CACNA2D3: variants seen among roughly 807,000 people sequenced by gnomAD.
The protein encoded by CACNA2D3 is voltage-dependent calcium channel subunit alpha-2/delta-3.
Under a neutral mutation model 160.6 loss-of-function variants are expected in CACNA2D3, and 60 were observed. That is an observed-to-expected ratio of 0.37 (90% CI 0.30 to 0.46). The LOEUF is 0.46. Ranked by LOEUF, CACNA2D3 falls within the 20% of genes least tolerant of loss-of-function variation. The pLI is 1.00. For missense variants in CACNA2D3, 1,205 were observed against 1,365.0 expected (o/e 0.88, Z 1.85); for synonymous variants, 558 against 492.9 (o/e 1.13, Z -1.75).
At chr3:54,647,213 A>G (rs1699668877) in intron 11 of CACNA2D3, among the ~76,000 whole-genome samples, 1 of 152,150 alleles carries the variant, frequency 6.6e-6, no homozygotes, top group Admixed American at 6.5e-5. Context: ...CTGACCCACA[A>G]AAACTGTGAG....
intron 11 of CACNA2D3, among the ~76,000 whole-genome samples, chr3:54,702,005 G>A (rs1700775254): frequency 6.6e-6 from 1 of 152,046 alleles, no homozygotes; most frequent in Non-Finnish European, 1.5e-5. Flanking sequence ...CAAGCAATGG[G>A]GAAAGGACTC....
Position 54,590,433 on chromosome 3 carries a change from G to A in CACNA2D3, c.963+8556G>A, listed in dbSNP as rs1290572889. On this transcript the variant is annotated intron_variant, in intron 9 of 37. Transcript: ENST00000474759. ...GTTGCCAGGGGTTAGGCATGGGAGT[G>A]GGGAGAGGTCATTGTGATTATAAAA... is the stretch of plus-strand genomic sequence containing the variant. Among the ~76,000 whole-genome samples, 5 of 152,086 alleles carry A rather than the reference G, an allele frequency of 3.3e-5. No homozygotes were observed. In the East Asian group the frequency reaches 9.6e-4, roughly 29 times the overall value.
intron 3 of CACNA2D3, among the ~76,000 whole-genome samples, chr3:54,341,898 A>G (rs941831861): frequency 6.6e-6 from 1 of 152,202 alleles, no homozygotes; most frequent in Non-Finnish European, 1.5e-5. Context: ...TTGAATTAGT[A>G]GAATGATATA....
intron 13 of CACNA2D3, among the ~76,000 whole-genome samples, chr3:54,806,486 C>G (rs1703129952): frequency 6.6e-6 from 1 of 151,904 alleles, no homozygotes; most frequent in African/African-American, 2.4e-5. Flanking sequence ...CCTAGGAATC[C>G]AACTTACAAG....
rs758348920 is a variant in CACNA2D3, at chr3:54,562,961, T to C, written c.676+30T>C. ...GTATACCTGCATTGACAGTTATGAC[T>C]CAGATTAATGATAACTGATAATGTG... On this transcript the variant is annotated intron_variant, in intron 6 of 37. Transcript: ENST00000474759. 2.1e-5 allele frequency: 33 copies of C among 1,602,722 alleles called. No individual in the cohort carries two copies. The Admixed American group carries it at 5.2e-4, about 25-fold the overall frequency.
intron 2 of CACNA2D3, among the ~76,000 whole-genome samples, chr3:54,268,563 C>G (rs538835359): frequency 3.6e-4 from 55 of 152,318 alleles, no homozygotes; most frequent in Admixed American, 3.2e-3. Flanking sequence ...GTGCCCACCA[C>G]CACGCCTGGC....
At chr3:54,642,375 T>C in intron 11 of CACNA2D3, 134 bp downstream of exon 11, 1 of 517,908 alleles carries the variant, frequency 1.9e-6, no homozygotes, top group East Asian at 3.4e-5. Context: ...CCTTGTGTTT[T>C]TTGGTTGACC....
intron 12 of CACNA2D3, among the ~76,000 whole-genome samples, chr3:54,763,467 T>C (rs1326852808): frequency 2.6e-5 from 4 of 151,966 alleles, no homozygotes; most frequent in Non-Finnish European, 5.9e-5. Context: ...GTTATGTTTA[T>C]AAAAATGAAC....
intron 2 of CACNA2D3, among the ~76,000 whole-genome samples, chr3:54,133,286 A>G (rs1699752810): frequency 6.6e-6 from 1 of 152,168 alleles, no homozygotes; most frequent in Non-Finnish European, 1.5e-5. Flanking sequence ...CATCAGTTTT[A>G]GAGATGCAGA....
chr3:54,178,414 T>G (rs1480111682), intron 2 of CACNA2D3, among the ~76,000 whole-genome samples: 1 of 152,126 alleles, frequency 6.6e-6, no homozygotes, highest in Non-Finnish European at 1.5e-5. Context: ...TCTCCCAAGG[T>G]GGACAGGAAG....
intron 35 of CACNA2D3, among the ~76,000 whole-genome samples, chr3:55,052,762 C>T (rs944244423): frequency 6.6e-6 from 1 of 152,168 alleles, no homozygotes; most frequent in Non-Finnish European, 1.5e-5. Flanking sequence ...TGTAGTATTC[C>T]TTGTTCTGAA....
intron 1 of CACNA2D3, 119 bp downstream of exon 1, chr3:54,122,954 C>T: frequency 2.1e-6 from 2 of 948,834 alleles, no homozygotes; most frequent in Non-Finnish European, 2.7e-6. Flanking sequence ...GTCGGCCTCG[C>T]CGCTCGCACC....
At chr3:54,285,233 A>T (rs1368355064) in intron 2 of CACNA2D3, among the ~76,000 whole-genome samples, 1 of 152,140 alleles carries the variant, frequency 6.6e-6, no homozygotes, top group South Asian at 2.1e-4. Flanking sequence ...TCCCACCCTA[A>T]TACTGTGCTT....
intron 5 of CACNA2D3, among the ~76,000 whole-genome samples, chr3:54,536,185 G>T (rs7428907): frequency 0.2 from 30,685 of 152,098 alleles, 3,403 homozygotes; most frequent in East Asian, 0.31. Flanking sequence ...GTGAAAAACT[G>T]CCAGGCTGAT....
rs115041614 is a variant in CACNA2D3 at position 54,694,479 on chromosome 3, T to C, written c.1167+52238T>C. 4.4e-3 allele frequency among the ~76,000 whole-genome samples: 676 copies of C among 152,294 alleles called. 7 individuals carry two copies. The highest frequency in any genetic ancestry group is 0.015 in the African/African-American group (632 of 41,552). On this transcript the variant is annotated intron_variant, in intron 11 of 37. Coordinates refer to ENST00000474759, the MANE Select transcript of CACNA2D3 (RefSeq NM_018398.3). The stretch of plus-strand genomic sequence containing the variant: ...TTATAGAAAATACTATACACACTGA[T>C]TTTCCTCATTTTGCCTTGGACTGGT...
chr3:54,811,238 A>G (rs1006737299), intron 13 of CACNA2D3, among the ~76,000 whole-genome samples: 2 of 151,992 alleles, frequency 1.3e-5, no homozygotes, highest in Non-Finnish European at 2.9e-5. Context: ...TTTTTCCTCA[A>G]CTGTGCTTCT....
At chr3:54,918,496 A>C (rs978085173) in intron 27 of CACNA2D3, 1 of 1,613,520 alleles carries the variant, frequency 6.2e-7, no homozygotes, top group Non-Finnish European at 8.5e-7. Context: ...TTTTTCTTCC[A>C]CCTTCCCAGG....
At chr3:54,883,311 C>T (rs981361475) in intron 21 of CACNA2D3, among the ~76,000 whole-genome samples, 1 of 152,156 alleles carries the variant, frequency 6.6e-6, no homozygotes, top group African/African-American at 2.4e-5. Context: ...TGTGAGCCAC[C>T]GCGCCTGGCC....
intron 27 of CACNA2D3, among the ~76,000 whole-genome samples, chr3:54,952,665 G>T (rs1242122436): frequency 6.6e-6 from 1 of 152,160 alleles, no homozygotes; most frequent in Non-Finnish European, 1.5e-5. Context: ...AAGTCAGAAA[G>T]ATCTGGTGTT....
Sources: gnomAD v4.1 joint callset for allele counts (sites outside exome capture counted in the v4.1 genomes callset) on GRCh38, gnomAD v4.1.1 for gene constraint, MANE v1.5 for transcripts, NCBI Gene and HGNC (gene_info 2026-07-23, HGNC 2026-07-21) for gene names.